The following NRG2 variants were observed in gnomAD, a reference collection of about 807,000 sequenced individuals.
NRG2 encodes the protein pro-neuregulin-2, membrane-bound isoform.
NRG2 carries 27 observed loss-of-function variants against 73.9 expected under a neutral mutation model. The observed-to-expected ratio is 0.37, with a 90% CI of 0.27 to 0.50. The LOEUF is 0.50. Among genes scored for constraint, NRG2 ranks in the 20% least tolerant of loss-of-function variants. The probability of loss-of-function intolerance (pLI) is 0.96; values close to 1 mark genes in which losing one functional copy is unlikely to be tolerated. For missense variants in NRG2, 1,126 were observed against 1,210.1 expected, an observed-to-expected ratio of 0.93 and a Z score of 1.03; for synonymous variants, 532 against 541.0, an observed-to-expected ratio of 0.98 and a Z score of 0.23.
intron 1 of NRG2, among the ~76,000 whole-genome samples, chr5:139,913,464 C>T (rs1751005583): frequency 6.6e-6 from 1 of 152,222 alleles, no homozygotes; most frequent in Non-Finnish European, 1.5e-5. Flanking sequence ...ATTTTATCCA[C>T]AATTTCCCCC....
chr5:139,990,198 C>A (rs569595513), intron 1 of NRG2, among the ~76,000 whole-genome samples: 3 of 152,232 alleles, frequency 2.0e-5, no homozygotes, highest in Non-Finnish European at 4.4e-5. Flanking sequence ...CATGTAATTT[C>A]TGCATTTTGT....
At chr5:139,885,417 A>G (rs928391040) in intron 2 of NRG2, among the ~76,000 whole-genome samples, 3 of 152,166 alleles carry the variant, frequency 2.0e-5, no homozygotes, top group African/African-American at 7.2e-5. Flanking sequence ...TTTCTCCAGG[A>G]CCACAGCCAT....
intron 1 of NRG2, among the ~76,000 whole-genome samples, chr5:140,000,716 T>C (rs1758400325): frequency 6.6e-6 from 1 of 152,228 alleles, no homozygotes; most frequent in Admixed American, 6.5e-5. Flanking sequence ...CACCTCCTCC[T>C]GCTGCAGCCA....
chr5:139,974,126 G>T (rs1246056666), intron 1 of NRG2, among the ~76,000 whole-genome samples: 1 of 151,932 alleles, frequency 6.6e-6, no homozygotes. Flanking sequence ...GGCCCTTTTT[G>T]CTCTGGAGAT....
intron 1 of NRG2, among the ~76,000 whole-genome samples, chr5:139,975,636 A>G (rs1756328004): frequency 6.6e-6 from 1 of 152,228 alleles, no homozygotes; most frequent in Non-Finnish European, 1.5e-5. Flanking sequence ...GGGGAATATC[A>G]GATAGCAGCA....
At chr5:139,871,240 T>C (rs6868767) in intron 4 of NRG2, 9,654 of 162,768 alleles carry the variant, frequency 0.059, 791 homozygotes, top group African/African-American at 0.19. Context: ...AGCAAAGGGC[T>C]CTGGAACCTG....
At chr5:139,886,608 G>A (rs1430751698) in intron 2 of NRG2, among the ~76,000 whole-genome samples, 2 of 152,146 alleles carry the variant, frequency 1.3e-5, no homozygotes, top group African/African-American at 4.8e-5. Flanking sequence ...TGGCAGGCAG[G>A]GGTTTTCCCC....
intron 1 of NRG2, among the ~76,000 whole-genome samples, chr5:139,996,386 G>T (rs1030619215): frequency 6.6e-6 from 1 of 152,276 alleles, no homozygotes; most frequent in Middle Eastern, 3.4e-3. Flanking sequence ...CTCATCACTG[G>T]ATACTTAAGT....
intron 1 of NRG2, among the ~76,000 whole-genome samples, chr5:140,029,670 A>G: frequency 6.9e-6 from 1 of 145,036 alleles, no homozygotes; most frequent in Non-Finnish European, 1.5e-5. Context: ...CCTGGGTGAC[A>G]GAGCAAGACT....
chr5:140,011,864 A>G (rs546232232), intron 1 of NRG2, among the ~76,000 whole-genome samples: 1 of 152,380 alleles, frequency 6.6e-6, no homozygotes, highest in South Asian at 2.1e-4. Flanking sequence ...CAAATAACTA[A>G]TAAGAGGACC....
chr5:140,002,535 A>T (rs1330778165), intron 1 of NRG2, among the ~76,000 whole-genome samples: 2 of 152,230 alleles, frequency 1.3e-5, no homozygotes, highest in Non-Finnish European at 2.9e-5. Context: ...GGAGACAGGA[A>T]CATGTCTGAC....
chr5:139,987,509 C>A (rs984384421), intron 1 of NRG2, among the ~76,000 whole-genome samples: 2 of 151,924 alleles, frequency 1.3e-5, no homozygotes, highest in African/African-American at 2.4e-5. Flanking sequence ...CTAACTGGGA[C>A]GATCCCAGCC....
intron 1 of NRG2, among the ~76,000 whole-genome samples, chr5:139,937,175 A>G (rs1486004990): frequency 3.3e-5 from 5 of 152,262 alleles, no homozygotes; most frequent in African/African-American, 1.2e-4. Context: ...GGACTGCAAG[A>G]TTAATTTAAC....
intron 2 of NRG2, among the ~76,000 whole-genome samples, chr5:139,883,796 AC>A (rs1221205451): frequency 6.6e-6 from 1 of 152,150 alleles, no homozygotes. Flanking sequence ...CTGACAACTC[AC>A]TGCTGAGAGC....
intron 3 of NRG2, among the ~76,000 whole-genome samples, chr5:139,880,196 G>A (rs940362457): frequency 6.6e-6 from 1 of 152,160 alleles, no homozygotes; most frequent in South Asian, 2.1e-4. Flanking sequence ...AGTTTTGGCG[G>A]AGAGGCAATC....
At chr5:139,879,050 A>C (rs1375093010) in intron 3 of NRG2, among the ~76,000 whole-genome samples, 1 of 152,180 alleles carries the variant, frequency 6.6e-6, no homozygotes, top group East Asian at 1.9e-4. Flanking sequence ...TCTATCATTA[A>C]CTAGGTGTTT....
At chr5:140,015,851 ATGCTTTAGCTGTTACGTCAGGTT>A (rs1291454577) in intron 1 of NRG2, among the ~76,000 whole-genome samples, 1 of 152,220 alleles carries the variant, frequency 6.6e-6, no homozygotes, top group Non-Finnish European at 1.5e-5. Flanking sequence ...AGGCTCCCAG[ATGCTTTAGCTGTTACGTCAGGTT>A]TCCAGGCCCC....
chr5:139,855,711 C>A lies in NRG2; in HGVS notation c.1257G>T (p.Val419=). ...AGTAGGCCACCACACAGACGATGCC[C>A]ACGACCAGCAGAGCCACGCAGATGC... ...ITGICVALLV[V]GIVCVVAYCK... Residue 419 remains valine, a synonymous_variant, in exon 6 of 10, where the codon GTG becomes GTT. Transcript: ENST00000361474. 6.2e-7 allele frequency: 1 copy of A among 1,614,124 alleles called. No individual in the cohort carries two copies. Among genetic ancestry groups the A allele is most frequent in the Non-Finnish European group, 8.5e-7 (1 of 1,179,992 alleles).
chr5:139,950,289 G>A (rs1431981125), intron 1 of NRG2, among the ~76,000 whole-genome samples: 1 of 152,170 alleles, frequency 6.6e-6, no homozygotes, highest in Non-Finnish European at 1.5e-5. Context: ...CCTACTTCAG[G>A]GGAGAGCTGG....
Sources: allele counts gnomAD v4.1 joint callset (sites outside exome capture counted in the v4.1 genomes callset), GRCh38; gene constraint gnomAD v4.1.1; transcripts MANE v1.5; gene names NCBI Gene and HGNC (gene_info 2026-07-23, HGNC 2026-07-21).